TRAK1: variants seen among roughly 807,000 people sequenced by gnomAD.
TRAK1 encodes trafficking kinesin-binding protein 1.
A neutral mutation model predicts 92.1 loss-of-function variants in TRAK1; 33 were observed. The ratio of observed to expected loss-of-function variants is 0.36; its 90% confidence interval spans 0.27 to 0.48. The LOEUF is 0.48. TRAK1 is among the 20% of genes least tolerant of loss of function. TRAK1 has a pLI of 0.99. For synonymous variants in TRAK1, 521 were observed against 517.3 expected (o/e 1.01, Z -0.10); for missense variants, 1,123 against 1,257.9 (o/e 0.89, Z 1.62).
intron 2 of TRAK1, among the ~76,000 whole-genome samples, chr3:42,127,724 A>G (rs1399530857): frequency 6.6e-6 from 1 of 152,188 alleles, no homozygotes; most frequent in Non-Finnish European, 1.5e-5. Flanking sequence ...CATGGGCAAC[A>G]CCACACAATT....
At position 42,223,830 on chromosome 3, in the gene TRAK1, C is replaced by G; in HGVS notation, c.*93C>G. On this transcript the variant is annotated 3_prime_UTR_variant, in exon 16 of 16. Transcript: ENST00000327628. This position sits in a 1 kb window ranked among gnomAD's most constrained non-coding sequence, Gnocchi z 6.1. ...CTTCCCCCCACAGTGCACTCCCTCC[C>G]TCTGCCCTTCTCTGTCCACCCCCTC... 2 of 1,343,390 alleles carry G rather than the reference C, an allele frequency of 1.5e-6. No individual in the cohort carries two copies. Among genetic ancestry groups the G allele is most frequent in the Non-Finnish European group, 2.0e-6 (2 of 975,660 alleles). 83.2% of individuals were successfully genotyped at this position (1,343,390 alleles called of 1,614,324 possible). A position where few individuals can be genotyped will look rare whatever the true frequency, so the allele number is the denominator to read the frequency against.
chr3:42,122,161 A>G (rs776291912), intron 1 of TRAK1, among the ~76,000 whole-genome samples: 5 of 152,038 alleles, frequency 3.3e-5, no homozygotes, highest in South Asian at 2.1e-4. Flanking sequence ...TTACCTTTTG[A>G]TACTTTATCT....
At chr3:42,047,237 C>G (rs1349513884) in intron 1 of TRAK1, among the ~76,000 whole-genome samples, 1 of 146,952 alleles carries the variant, frequency 6.8e-6, no homozygotes, top group Non-Finnish European at 1.5e-5. Context: ...AATCTGTCGC[C>G]CAGGCTGGAT....
intron 1 of TRAK1, among the ~76,000 whole-genome samples, chr3:42,078,130 G>A (rs1704244032): frequency 6.6e-6 from 1 of 152,164 alleles, no homozygotes; most frequent in African/African-American, 2.4e-5. Context: ...GACCTTCTGG[G>A]GCAAAGGGTC....
At chr3:42,048,169 C>T (rs1469007570) in intron 1 of TRAK1, among the ~76,000 whole-genome samples, 1 of 152,052 alleles carries the variant, frequency 6.6e-6, no homozygotes, top group African/African-American at 2.4e-5. Flanking sequence ...CTTTTTCAAT[C>T]TGCAGGTCCC....
chr3:42,149,625 GC>G, intron 2 of TRAK1: 1 of 1,536,060 alleles, frequency 6.5e-7, no homozygotes, highest in Non-Finnish European at 8.7e-7. Context: ...GCAAAACAGA[GC>G]CGGGATGTAT....
At chr3:42,142,019 C>G (rs1457864575) in intron 2 of TRAK1, among the ~76,000 whole-genome samples, 1 of 152,238 alleles carries the variant, frequency 6.6e-6, no homozygotes, top group East Asian at 1.9e-4. Context: ...TGCCTCCCGG[C>G]TACTCAGGAG....
intron 2 of TRAK1, among the ~76,000 whole-genome samples, chr3:42,140,332 T>A (rs1197623895): frequency 2.0e-5 from 3 of 152,080 alleles, no homozygotes; most frequent in Non-Finnish European, 4.4e-5. Flanking sequence ...GGCAACATTT[T>A]AAAAAATAAA....
chr3:42,071,605 G>A (rs1703933971), intron 1 of TRAK1, among the ~76,000 whole-genome samples: 1 of 152,056 alleles, frequency 6.6e-6, no homozygotes, highest in South Asian at 2.1e-4. Context: ...CTACTTGGGA[G>A]GCTGAGGCAG....
At chr3:42,027,696 A>G (rs1208010329) in intron 1 of TRAK1, among the ~76,000 whole-genome samples, 7 of 152,356 alleles carry the variant, frequency 4.6e-5, no homozygotes, top group South Asian at 4.1e-4. Flanking sequence ...GAATAGAGGT[A>G]CTGAAATGGG....
chr3:42,176,302 G>A (rs1041634461), intron 2 of TRAK1, among the ~76,000 whole-genome samples: 4 of 152,170 alleles, frequency 2.6e-5, no homozygotes, highest in African/African-American at 7.2e-5. Context: ...CACTTGAGGA[G>A]GAGGGGGCTA....
At chr3:42,118,766 T>C (rs185265040) in intron 1 of TRAK1, among the ~76,000 whole-genome samples, 2 of 152,358 alleles carry the variant, frequency 1.3e-5, no homozygotes, top group East Asian at 3.9e-4. Context: ...GGGTTATACC[T>C]CTGAAGAGGT....
intron 12 of TRAK1, 48 bp downstream of exon 12, chr3:42,201,102 G>A (rs1559376481): frequency 1.3e-6 from 2 of 1,571,556 alleles, no homozygotes; most frequent in East Asian, 4.5e-5. Context: ...GTGAGGAGTG[G>A]TAGTATGGAT....
In TRAK1 at chr3:42,080,901, A is replaced by G. The variant is rs75512215; in HGVS notation, c.-518-6203A>G. On this transcript the variant is annotated intron_variant, in intron 1 of 16. Coordinates refer to the TRAK1 transcript ENST00000487159. ...AACTACTCTTTTTTTTTGAGATAGG[A>G]TCTCACTGTGTCACCCAGGCTGGGG... is the stretch of plus-strand genomic sequence containing the variant. Among the ~76,000 whole-genome samples the G allele has an allele frequency of 2.1e-3, 318 of 151,938 alleles. 1 individual carries two copies. The highest frequency in any genetic ancestry group is 6.9e-3 in the African/African-American group (284 of 41,426).
At chr3:42,087,497 G>C (rs923794701), upstream of TRAK1, 1 of 152,678 alleles carries the variant, frequency 6.5e-6, no homozygotes, top group Non-Finnish European at 1.5e-5. Flanking sequence ...GTCTTGGGGA[G>C]GTATGTGGAG....
At chr3:42,101,330 C>T (rs1706722188) in intron 1 of TRAK1, among the ~76,000 whole-genome samples, 1 of 152,198 alleles carries the variant, frequency 6.6e-6, no homozygotes, top group Non-Finnish European at 1.5e-5. Context: ...AAATAGTGAA[C>T]CATAGCAAGA....
rs201153715 is a variant in TRAK1 at position 42,158,939 on chromosome 3, A to T, written c.287-17875A>T. ...GTGCCACTGCACTCCAGCCTGGGCG[A>T]CAAAGCAAGACTCTGTCTCAAAAAT... On this transcript the variant is annotated intron_variant, in intron 2 of 15. Coordinates refer to ENST00000327628, the MANE Select transcript of TRAK1 (RefSeq NM_001042646.3). 2.0e-5 allele frequency among the ~76,000 whole-genome samples: 3 copies of T among 148,214 alleles called. No homozygotes were observed. In the South Asian group the frequency reaches 6.4e-4, roughly 32 times the overall value.
chr3:42,060,484 G>T (rs1006448484), intron 1 of TRAK1, among the ~76,000 whole-genome samples: 1 of 152,042 alleles, frequency 6.6e-6, no homozygotes, highest in African/African-American at 2.4e-5. Flanking sequence ...GTAATGTAAC[G>T]GTAGAGGAGT....
chr3:42,130,670 G>A (rs1697074881), intron 2 of TRAK1, among the ~76,000 whole-genome samples: 1 of 152,104 alleles, frequency 6.6e-6, no homozygotes, highest in African/African-American at 2.4e-5. Context: ...GGCCTTCGGT[G>A]CCATCCTACC....
Sources: allele counts gnomAD v4.1 joint callset (sites outside exome capture counted in the v4.1 genomes callset), GRCh38; gene constraint gnomAD v4.1.1; non-coding constraint Gnocchi (gnomAD v3.1); transcripts MANE v1.5; gene names NCBI Gene and HGNC (gene_info 2026-07-23, HGNC 2026-07-21).